Variants in CFAP74 observed in about 807,000 individuals in gnomAD.
The protein encoded by CFAP74 is cilia- and flagella-associated protein 74.
Under a neutral mutation model 188.9 loss-of-function variants are expected in CFAP74, and 124 were observed. The observed-to-expected ratio is 0.66, with a 90% CI of 0.57 to 0.76. The LOEUF (loss-of-function observed/expected upper bound fraction) is 0.76. Among genes scored for constraint, CFAP74 ranks in the 30% least tolerant of loss-of-function variants. CFAP74 has a pLI of 0.00. For synonymous variants in CFAP74, 956 were observed against 916.7 expected, an observed-to-expected ratio of 1.04 and a Z score of -0.77; for missense variants, 2,198 against 2,165.2, an observed-to-expected ratio of 1.02 and a Z score of -0.30.
chr1:1,985,283 C>G (rs1019058636), intron 6 of CFAP74, 103 bp downstream of exon 6: 8 of 935,388 alleles, frequency 8.6e-6, no homozygotes, highest in Non-Finnish European at 1.4e-5. Context: ...GTTTGCCGGT[C>G]AGGTGCAAAA....
chr1:1,928,649 G>A, intron 27 of CFAP74, 135 bp downstream of exon 27: 1 of 630,790 alleles, frequency 1.6e-6, no homozygotes, highest in Non-Finnish European at 2.8e-6. Flanking sequence ...AGCTCGACAC[G>A]TGCATTGCTT....
intron 25 of CFAP74, among the ~76,000 whole-genome samples, chr1:1,934,562 C>CAGGTGTAT: frequency 6.7e-6 from 1 of 149,792 alleles, no homozygotes; most frequent in Non-Finnish European, 1.5e-5. Flanking sequence ...TGTAGGTACA[C>CAGGTGTAT]ACGTGTGTAC....
At chr1:1,926,430 C>G (rs576167379) in intron 31 of CFAP74, 27 bp downstream of exon 31, 2 of 1,550,276 alleles carry the variant, frequency 1.3e-6, no homozygotes, top group African/African-American at 1.4e-5. Context: ...ACCCCGCAGG[C>G]CGCCTGAGCT....
chr1:1,956,741 A>C lies in CFAP74; in HGVS notation c.1895T>G (p.Val632Gly). The C allele has an allele frequency of 6.2e-7, 1 of 1,613,796 alleles. No individual in the cohort carries two copies. Among genetic ancestry groups the C allele is most frequent in the Non-Finnish European group, 8.5e-7 (1 of 1,179,866 alleles). Residue 632 changes from valine (V) to glycine (G), a missense_variant, in exon 17 of 39, where the codon GTA (valine) becomes GGA (glycine). Transcript: ENST00000682832. Reference protein sequence around the residue: ...KELIDFGSYVVGETTSRTITL... With the variant: ...KELIDFGSYVGGETTSRTITL... The stretch of plus-strand genomic sequence containing the variant: ...GATGGTCCGAGACGTGGTCTCTCCT[A>C]CCACGTAGCTGCCGAAGTCAATGAG...
intron 9 of CFAP74, among the ~76,000 whole-genome samples, chr1:1,971,265 AC>A (rs540129968): frequency 3.4e-5 from 5 of 147,802 alleles, no homozygotes; most frequent in Non-Finnish European, 7.4e-5. Flanking sequence ...GCATGCACAC[AC>A]ATGCAAACCT....
In CFAP74 at chr1:1,930,243, G is replaced by A. The variant is rs1652262678; in HGVS notation, c.3105C>T (p.Asp1035=). The part of the protein sequence containing the change: ...QIKFAATALY[D]TSVATVYVIN... ...TGACGTACACTGTAGCCACGGAGGT[G>A]TCGTATAGGGCCGTGGCGGCAAACT... Residue 1035 remains aspartate (D), a synonymous_variant, in exon 26 of 39, where the codon GAC becomes GAT. Coordinates refer to ENST00000682832, the MANE Select transcript of CFAP74 (RefSeq NM_001304360.2). 1 of 1,535,630 alleles carries A rather than the reference G, an allele frequency of 6.5e-7. No homozygotes were observed. Among genetic ancestry groups the A allele is most frequent in the African/African-American group, 1.4e-5 (1 of 73,026 alleles).
intron 26 of CFAP74, among the ~76,000 whole-genome samples, chr1:1,929,553 C>T (rs1264648908): frequency 6.6e-6 from 1 of 151,258 alleles, no homozygotes; most frequent in Non-Finnish European, 1.5e-5. Flanking sequence ...TCATTGAAAT[C>T]CCATGTGAGC....
At chr1:1,965,145 G>T in intron 12 of CFAP74, 84 bp from the exon 13 acceptor site, 1 of 1,368,984 alleles carries the variant, frequency 7.3e-7, no homozygotes. Context: ...GAGGGTAGCG[G>T]TTAGCAGAGC....
chr1:1,942,017 C>G lies in CFAP74; in HGVS notation c.2615+11G>C. ...GTCCTCCTGTCCCGGCCTTGGCGTCCTGGCACCTACCGCGGCAGGAACTTG... is the reference window on the plus strand; with the variant it reads ...GTCCTCCTGTCCCGGCCTTGGCGTCGTGGCACCTACCGCGGCAGGAACTTG... On this transcript the variant is annotated intron_variant, in intron 22 of 38. Transcript: ENST00000682832. The surrounding 1 kb of genome is among the most constrained non-coding windows in gnomAD (Gnocchi z 4.3). 6.7e-7 allele frequency: 1 copy of G among 1,489,466 alleles called. No individual in the cohort carries two copies. The highest frequency in any genetic ancestry group is 2.3e-5 in the Admixed American group (1 of 43,228). 92.3% of individuals were successfully genotyped at this position (1,489,466 alleles called of 1,614,324 possible). A position where few individuals can be genotyped will look rare whatever the true frequency, so the allele number is the denominator to read the frequency against.
chr1:1,979,182 A>ATG (rs1350275278), intron 6 of CFAP74, among the ~76,000 whole-genome samples: 4 of 81,320 alleles, frequency 4.9e-5, no homozygotes, highest in Non-Finnish European at 5.1e-5. Context: ...TGCACAGAAC[A>ATG]CGTGTGTCGT....
chr1:1,949,711 T>C (rs1654089549), intron 18 of CFAP74, among the ~76,000 whole-genome samples: 1 of 152,170 alleles, frequency 6.6e-6, no homozygotes, highest in South Asian at 2.1e-4. Context: ...TCTCTACAGT[T>C]TTGCCTTTTT....
In CFAP74 at chr1:1,970,356, G is replaced by C. The variant is rs955232408; in HGVS notation, c.1046+303C>G. 2.6e-5 allele frequency among the ~76,000 whole-genome samples: 4 copies of C among 152,210 alleles called. No homozygotes were observed. The South Asian group carries it at 8.3e-4, about 31-fold the overall frequency. Reference sequence around the variant, plus strand: ...AAAGAGCCCGCCAGTCCCTCCTTGTGAGAAGTCAGGACAGGAGCCGGAGGC... The same window carrying C: ...AAAGAGCCCGCCAGTCCCTCCTTGTCAGAAGTCAGGACAGGAGCCGGAGGC... On this transcript the variant is annotated intron_variant, in intron 10 of 38. Coordinates refer to ENST00000682832, the MANE Select transcript of CFAP74 (RefSeq NM_001304360.2).
At chr1:2,001,276 G>C (rs1167203635) in intron 1 of CFAP74, among the ~76,000 whole-genome samples, 1 of 152,074 alleles carries the variant, frequency 6.6e-6, no homozygotes, top group African/African-American at 2.4e-5. Context: ...TATTTGCATA[G>C]CTTCCAAATA....
chr1:2,000,311 A>C (rs1658145083), intron 1 of CFAP74, among the ~76,000 whole-genome samples: 1 of 152,258 alleles, frequency 6.6e-6, no homozygotes, highest in Non-Finnish European at 1.5e-5. Context: ...GTCAACAGGC[A>C]CTTCACAGTT....
intron 21 of CFAP74, among the ~76,000 whole-genome samples, chr1:1,943,359 C>T (rs897062771): frequency 2.4e-4 from 37 of 152,248 alleles, no homozygotes; most frequent in Admixed American, 1.8e-3. Context: ...TGCACATTCC[C>T]GGCCCATGCC....
chr1:1,987,373 A>T (rs1005724180), intron 4 of CFAP74, among the ~76,000 whole-genome samples: 1 of 152,028 alleles, frequency 6.6e-6, no homozygotes, highest in Non-Finnish European at 1.5e-5. Context: ...GGCCCACGGG[A>T]GGGGAGGAGC....
rs910645825 is a variant in CFAP74 at position 1,923,985 on chromosome 1, C to T, written c.4235-56G>A. On this transcript the variant is annotated intron_variant, in intron 34 of 38. Coordinates refer to ENST00000682832, the MANE Select transcript of CFAP74 (RefSeq NM_001304360.2). The surrounding 1 kb of genome is among the most constrained non-coding windows in gnomAD (Gnocchi z 6.3). ...TCTCCACCTGCAATCACTGTCTGCC[C>T]TCCAAGCCTTGCTGCATAGAGCTCT... is the stretch of plus-strand genomic sequence containing the variant. 1.3e-6 allele frequency: 2 copies of T among 1,557,542 alleles called. No individual in the cohort carries two copies. Among genetic ancestry groups the T allele is most frequent in the African/African-American group, 2.7e-5 (2 of 73,794 alleles).
At chr1:1,958,439 C>T (rs957447473) in intron 16 of CFAP74, among the ~76,000 whole-genome samples, 3 of 152,226 alleles carry the variant, frequency 2.0e-5, no homozygotes, top group Non-Finnish European at 2.9e-5. Context: ...CCAGCCTGGA[C>T]GGGGCTGGCC....
intron 22 of CFAP74, among the ~76,000 whole-genome samples, chr1:1,941,038 G>A (rs942062355): frequency 7.2e-5 from 11 of 152,122 alleles, no homozygotes; most frequent in South Asian, 4.1e-4. Flanking sequence ...GCGTGAACCC[G>A]GGAGGCAGAG....
Sources: allele counts gnomAD v4.1 joint callset (sites outside exome capture counted in the v4.1 genomes callset), GRCh38; gene constraint gnomAD v4.1.1; non-coding constraint Gnocchi (gnomAD v3.1); transcripts MANE v1.5; gene names NCBI Gene and HGNC (gene_info 2026-07-23, HGNC 2026-07-21).